The following CCDC158 variants were observed in gnomAD, a reference collection of about 807,000 sequenced individuals.
CCDC158 encodes coiled-coil domain-containing protein 158.
A neutral mutation model predicts 138.6 loss-of-function variants in CCDC158; 116 were observed. The ratio of observed to expected loss-of-function variants is 0.84; its 90% CI spans 0.72 to 0.98. The LOEUF is 0.98. Among genes scored for constraint, CCDC158 ranks in the 50% least tolerant of loss-of-function variants. The probability of loss-of-function intolerance (pLI) is 0.00; values close to 1 mark genes in which losing one functional copy is unlikely to be tolerated. For missense variants in CCDC158, 1,265 were observed against 1,306.1 expected (o/e 0.97, Z 0.48); for synonymous variants, 436 against 442.4 (o/e 0.99, Z 0.18).
chr4:76,352,997 T>G, intron 16 of CCDC158, 126 bp downstream of exon 16: 1 of 713,284 alleles, frequency 1.4e-6, no homozygotes. Flanking sequence ...TTGTGCTAGG[T>G]GATTGGGATA....
upstream of CCDC158, chr4:76,421,820 G>A (rs1730150400): frequency 6.6e-6 from 1 of 152,140 alleles, no homozygotes; most frequent in Non-Finnish European, 1.5e-5. Flanking sequence ...TCTGCCTCTG[G>A]AGACTTGTTC....
At chr4:76,383,523 T>G (rs1224003881) in intron 7 of CCDC158, 139 bp downstream of exon 7, 7 of 617,582 alleles carry the variant, frequency 1.1e-5, no homozygotes, top group Non-Finnish European at 1.7e-5. Flanking sequence ...GAAAACAAAA[T>G]GTTAACATGA....
Position 76,357,453 on chromosome 4 carries a change from T to A in CCDC158, c.2094A>T (p.Lys698Asn), listed in dbSNP as rs1723684697. The A allele has an allele frequency of 3.1e-6, 5 of 1,604,646 alleles. No homozygotes were observed. The highest frequency in any genetic ancestry group is 2.6e-6 in the Non-Finnish European group (3 of 1,175,248). Residue 698 changes from lysine to asparagine, a missense_variant, in exon 14 of 25, where the codon AAA (lysine) becomes AAT (asparagine). Lys to Asn is a moderately conservative substitution (Grantham distance 94). Transcript: ENST00000682701. ...CAGACTGTGCAGATTTTAATTGCAT[T>A]TTCAACTTATTTGTAGTCATTTCCA... The part of the protein sequence containing the change: ...EEMEMTTNKL[K>N]MQLKSAQSEL...
At position 76,367,566 on chromosome 4, in the gene CCDC158, T is replaced by G; in HGVS notation, c.1558A>C (p.Thr520Pro). The G allele has an allele frequency of 6.2e-7, 1 of 1,614,228 alleles. No homozygotes were observed. ...AAGTCCACCCGGGAGCGGAGCTTTG[T>G]GATCTCTGCATTGGTAGCCTCGATG... Reference protein sequence around the residue: ...RAIEATNAEITKLRSRVDLKL... With the variant: ...RAIEATNAEIPKLRSRVDLKL... Residue 520 changes from threonine to proline, a missense_variant, in exon 12 of 25, where the codon ACA becomes CCA. Physicochemically the swap from Thr to Pro is conservative, Grantham distance 38. Coordinates refer to ENST00000682701, the MANE Select transcript of CCDC158 (RefSeq NM_001394954.1).
rs1012379551 is a variant in CCDC158 at position 76,323,842 on chromosome 4, C to T, written c.3170-433G>A. Among the ~76,000 whole-genome samples the T allele has an allele frequency of 3.9e-5, 6 of 152,138 alleles. No individual in the cohort carries two copies. The South Asian group carries it at 1.0e-3, about 26-fold the overall frequency. On this transcript the variant is annotated intron_variant, in intron 23 of 24. Coordinates refer to ENST00000682701, the MANE Select transcript of CCDC158 (RefSeq NM_001394954.1). ...TCAAGGTATGTGAGGCCAGTGCCCA[C>T]GTTAGTTCTGTCACCTAACGTGAAT...
intron 4 of CCDC158, among the ~76,000 whole-genome samples, chr4:76,386,081 G>A (rs983733817): frequency 6.6e-6 from 1 of 152,136 alleles, no homozygotes; most frequent in African/African-American, 2.4e-5. Flanking sequence ...TCTTTCTTAA[G>A]AATTTAACAA....
intron 4 of CCDC158, among the ~76,000 whole-genome samples, chr4:76,388,539 T>C (rs9996463): frequency 0.029 from 4,474 of 152,254 alleles, 219 homozygotes; most frequent in African/African-American, 0.1. Flanking sequence ...ACAGACTTTG[T>C]ATTGTGGTTT....
chr4:76,327,042 G>A (rs920526453), intron 22 of CCDC158, among the ~76,000 whole-genome samples: 1 of 152,062 alleles, frequency 6.6e-6, no homozygotes, highest in Non-Finnish European at 1.5e-5. Flanking sequence ...TTGTATGAAA[G>A]TTGGAAGGAT....
chr4:76,379,094 A>C (rs1252658651), intron 9 of CCDC158, among the ~76,000 whole-genome samples, 196 bp downstream of exon 9: 1 of 152,198 alleles, frequency 6.6e-6, no homozygotes, highest in Non-Finnish European at 1.5e-5. Flanking sequence ...CTAAGAATGA[A>C]TCAGAGTACA....
intron 1 of CCDC158, among the ~76,000 whole-genome samples, chr4:76,414,876 G>GACT (rs1729570684): frequency 6.6e-6 from 1 of 152,162 alleles, no homozygotes; most frequent in Admixed American, 6.6e-5. Context: ...CGTGAAAACA[G>GACT]ACTAATACAG....
At chr4:76,390,486 C>G (rs1405812278) in intron 4 of CCDC158, among the ~76,000 whole-genome samples, 2 of 151,564 alleles carry the variant, frequency 1.3e-5, no homozygotes, top group African/African-American at 2.4e-5. Context: ...ATTTGACTGG[C>G]TTAAAAATAA....
At chr4:76,313,326 C>T (rs984739743) in intron 24 of CCDC158, 80 bp from the exon 25 acceptor site, 31 of 801,608 alleles carry the variant, frequency 3.9e-5, no homozygotes, top group South Asian at 1.2e-4. Context: ...AAAAGATCAG[C>T]TTGATAGTAT....
intron 2 of CCDC158, among the ~76,000 whole-genome samples, chr4:76,404,882 CA>C (rs112265224): frequency 2.7e-5 from 4 of 149,950 alleles, no homozygotes; most frequent in African/African-American, 4.9e-5. Flanking sequence ...GAAAAGAAGA[CA>C]AAAAAAAGGA....
At chr4:76,347,072 G>C (rs1416634180) in intron 18 of CCDC158, among the ~76,000 whole-genome samples, 1 of 152,184 alleles carries the variant, frequency 6.6e-6, no homozygotes, top group African/African-American at 2.4e-5. Flanking sequence ...CTTTTACACT[G>C]TTGGTGGAAG....
chr4:76,343,541 A>C (rs774276551), intron 18 of CCDC158, among the ~76,000 whole-genome samples: 2 of 152,228 alleles, frequency 1.3e-5, no homozygotes, highest in Non-Finnish European at 2.9e-5. Context: ...TTGGCTGGAC[A>C]TGGTGGCTCA....
intron 24 of CCDC158, among the ~76,000 whole-genome samples, chr4:76,316,322 G>GGACA (rs1489743679): frequency 6.6e-6 from 1 of 152,158 alleles, no homozygotes. Context: ...GCACTGGAAA[G>GGACA]TGTCAACAAT....
At chr4:76,387,914 G>A (rs1057389803) in intron 4 of CCDC158, among the ~76,000 whole-genome samples, 1 of 151,940 alleles carries the variant, frequency 6.6e-6, no homozygotes, top group Non-Finnish European at 1.5e-5. Context: ...TTAGGGGGCT[G>A]AGGCAGGAGA....
chr4:76,328,920 C>T lies in CCDC158; in HGVS notation c.2990G>A (p.Cys997Tyr), dbSNP rs765442087. 2 of 1,613,934 alleles carry T rather than the reference C, an allele frequency of 1.2e-6. No individual in the cohort carries two copies. The highest frequency in any genetic ancestry group is 1.7e-6 in the Non-Finnish European group (2 of 1,179,816). The change falls in exon 22 of 25, where the codon TGC (cysteine) becomes TAC (tyrosine). Residue 997 changes from cysteine to tyrosine, a missense_variant. Physicochemically the swap from Cys to Tyr is radical, Grantham distance 194. Coordinates refer to ENST00000682701, the MANE Select transcript of CCDC158 (RefSeq NM_001394954.1). ...CTCACCTGCAGATGTGAATGTGAAG[C>T]AACCAGAGGGATCTTCCCTGTCTCC... ...HAGDREDPSG[C>Y]FTFTSAASPS... is the part of the protein sequence containing the mutation.
At chr4:76,378,339 C>A (rs771459646) in intron 9 of CCDC158, among the ~76,000 whole-genome samples, 14 of 152,326 alleles carry the variant, frequency 9.2e-5, no homozygotes, top group South Asian at 6.2e-4. Flanking sequence ...GGGAGTATGG[C>A]AGCTTCCTTA....
Sources: gnomAD v4.1 joint callset for allele counts (sites outside exome capture counted in the v4.1 genomes callset) on GRCh38, gnomAD v4.1.1 for gene constraint, MANE v1.5 for transcripts, NCBI Gene and HGNC (gene_info 2026-07-23, HGNC 2026-07-21) for gene names.